The following TAL1 variants were observed in gnomAD, a reference collection of about 807,000 sequenced individuals.
TAL1 encodes TAL bHLH transcription factor 1, erythroid differentiation factor, also known as T-cell acute lymphocytic leukemia protein 1.
In TAL1, 8 loss-of-function variants were observed where a neutral mutation model predicts 17.9. The ratio of observed to expected loss-of-function variants is 0.45; its 90% CI spans 0.26 to 0.81. The LOEUF is 0.81. Ranked by LOEUF, TAL1 falls within the 30% of genes least tolerant of loss-of-function variation. The probability of loss-of-function intolerance (pLI) is 0.17; values close to 1 mark genes in which losing one functional copy is unlikely to be tolerated. For missense variants in TAL1, 466 were observed against 486.9 expected (o/e 0.96, Z 0.40); for synonymous variants, 223 against 218.6 (o/e 1.02, Z -0.18).
intron 3 of TAL1, among the ~76,000 whole-genome samples, chr1:47,221,280 C>A (rs1643799561): frequency 6.6e-6 from 1 of 152,184 alleles, no homozygotes; most frequent in Non-Finnish European, 1.5e-5. Context: ...CACAGCTATG[C>A]ACAGCCATGG....
exon 4 of TAL1, chr1:47,217,587 C>G (rs1011758881): frequency 5.0e-6 from 2 of 398,476 alleles, no homozygotes; most frequent in Admixed American, 4.4e-5. Context: ...AAGTTCTTTA[C>G]GTTCTCAAAA....
chr1:47,226,196 C>A, intron 1 of TAL1: 1 of 380,610 alleles, frequency 2.6e-6, no homozygotes, highest in South Asian at 6.8e-5. Context: ...ATACAGCCAG[C>A]GACAGAAACA....
chr1:47,229,469 C>T (rs993483589), exon 1 of TAL1: 1 of 175,774 alleles, frequency 5.7e-6, no homozygotes, highest in African/African-American at 2.4e-5. Flanking sequence ...CTGTCCCCGA[C>T]CAACCAGTCC....
chr1:47,232,074 T>C (rs1291568939), upstream of TAL1: 1 of 229,718 alleles, frequency 4.4e-6, no homozygotes, highest in African/African-American at 2.2e-5. Flanking sequence ...AGACCTCTTT[T>C]GCGGACGTGG....
At chr1:47,228,010 A>G (rs1643938715) in intron 1 of TAL1, 2 of 152,242 alleles carry the variant, frequency 1.3e-5, no homozygotes, top group African/African-American at 4.8e-5. Flanking sequence ...GTTATGACAC[A>G]TTTTTACCCT....
chr1:47,219,370 A>T (rs1316319021), exon 4 of TAL1: 1 of 569,860 alleles, frequency 1.8e-6, no homozygotes, highest in Admixed American at 2.2e-5. Flanking sequence ...ATGAGAGCTG[A>T]CAACCCCAGG....
At chr1:47,225,340 GC>G (rs1180373905) in intron 2 of TAL1, 102 bp downstream of exon 3, 7 of 1,085,910 alleles carry the variant, frequency 6.4e-6, no homozygotes, top group Non-Finnish European at 8.2e-6. Context: ...CACCCGCTCG[GC>G]CCCCAGGGCA....
exon 4 of TAL1, chr1:47,219,896 C>T (rs751709263): frequency 9.3e-6 from 14 of 1,506,312 alleles, no homozygotes; most frequent in Non-Finnish European, 1.2e-5. Flanking sequence ...GGGGGCGCGC[C>T]GCCCCCTCCC....
intron 3 of TAL1, 53 bp downstream of exon 4, chr1:47,223,951 G>A (rs746271076): frequency 1.9e-6 from 3 of 1,541,540 alleles, no homozygotes; most frequent in Admixed American, 3.3e-5. Flanking sequence ...CTCCTCCAGA[G>A]GGCTCTAACC....
chr1:47,219,122 T>G (rs1645557741), exon 4 of TAL1: 1 of 393,912 alleles, frequency 2.5e-6, no homozygotes, highest in Non-Finnish European at 4.8e-6. Context: ...CCAGCTCATC[T>G]AGAGCAGACT....
chr1:47,221,983 C>A (rs185665476), intron 3 of TAL1, among the ~76,000 whole-genome samples: 1 of 152,348 alleles, frequency 6.6e-6, no homozygotes, highest in East Asian at 1.9e-4. Flanking sequence ...CCTAGCCCAG[C>A]TGACTGTTTG....
chr1:47,222,191 G>T (rs1643827178), intron 3 of TAL1, among the ~76,000 whole-genome samples: 1 of 152,202 alleles, frequency 6.6e-6, no homozygotes, highest in South Asian at 2.1e-4. Flanking sequence ...AGTTGGGGAG[G>T]GGGTACTTAT....
At chr1:47,220,477 C>T (rs983671267) in intron 3 of TAL1, among the ~76,000 whole-genome samples, 9 of 152,112 alleles carry the variant, frequency 5.9e-5, no homozygotes, top group African/African-American at 2.2e-4. Flanking sequence ...GGACAGGGAC[C>T]GTATGTTATT....
chr1:47,228,123 C>T (rs1280479260), intron 1 of TAL1: 1 of 157,660 alleles, frequency 6.3e-6, no homozygotes, highest in Non-Finnish European at 1.4e-5. Flanking sequence ...CCTCTCCAGA[C>T]ACCTATAAAT....
exon 4 of TAL1, chr1:47,217,454 G>A (rs1488984753): frequency 7.5e-6 from 3 of 398,002 alleles, no homozygotes; most frequent in African/African-American, 6.2e-5. Context: ...AATAACTCAG[G>A]CCAAAGCGGT....
At position 47,229,174 on chromosome 1, in the gene TAL1, C is replaced by G. The variant is rs1286852372; in HGVS notation, c.-2+22G>C. The G allele has an allele frequency of 1.7e-5, 3 of 179,964 alleles. No homozygotes were observed. The Admixed American group carries it at 1.9e-4, about 11-fold the overall frequency. 11.1% of individuals were successfully genotyped at this position (179,964 alleles called of 1,614,324 possible). A position where few individuals can be genotyped will look rare whatever the true frequency, so the allele number is the denominator to read the frequency against. ...CCTTCCTAGACACCGTTTCCACCGG[C>G]ACCATTCCCCTGAAAACTCACCTGG... On this transcript the variant is annotated intron_variant, in intron 1 of 3. Transcript: ENST00000294339.
intron 2 of TAL1, 62 bp downstream of exon 3, chr1:47,225,381 C>T: frequency 1.6e-6 from 2 of 1,217,480 alleles, no homozygotes; most frequent in Non-Finnish European, 2.0e-6. Flanking sequence ...AAGGAAACCC[C>T]GGTGGGGGTG....
intron 2 of TAL1, among the ~76,000 whole-genome samples, chr1:47,224,787 A>G (rs1643882833): frequency 6.6e-6 from 1 of 152,026 alleles, no homozygotes; most frequent in Non-Finnish European, 1.5e-5. Flanking sequence ...TTCCAACCCT[A>G]TGGCTTCTCT....
intron 1 of TAL1, 44 bp from the exon 3 acceptor site, chr1:47,225,933 C>A (rs754016762): frequency 3.2e-6 from 5 of 1,548,242 alleles, no homozygotes; most frequent in Non-Finnish European, 4.3e-6. Context: ...CTCTGACGAC[C>A]GCCCCTGACC....
Sources: gnomAD v4.1 joint callset for allele counts (sites outside exome capture counted in the v4.1 genomes callset) on GRCh38, gnomAD v4.1.1 for gene constraint, MANE v1.5 for transcripts, NCBI Gene and HGNC (gene_info 2026-07-23, HGNC 2026-07-21) for gene names.